The following RIN2 variants were observed in gnomAD, a reference collection of about 807,000 sequenced individuals.
The protein encoded by RIN2 is Ras and Rab interactor 2.
RIN2 carries 36 observed loss-of-function variants against 78.0 expected under a neutral mutation model. The observed-to-expected ratio is 0.46, with a 90% CI of 0.35 to 0.61. The LOEUF is 0.61. RIN2 is among the 20% of genes least tolerant of loss of function. The pLI, the probability that RIN2 is intolerant of heterozygous loss-of-function variation, is 0.00. For synonymous variants in RIN2, 466 were observed against 466.8 expected (o/e 1.00, Z 0.02); for missense variants, 1,087 against 1,159.7 (o/e 0.94, Z 0.91).
intron 3 of RIN2, among the ~76,000 whole-genome samples, chr20:19,927,636 A>G (rs113949468): frequency 6.6e-6 from 1 of 152,070 alleles, no homozygotes; most frequent in Non-Finnish European, 1.5e-5. Context: ...GCTGGTCTGA[A>G]ACTCCTGAGT....
intron 6 of RIN2, among the ~76,000 whole-genome samples, chr20:19,963,838 A>G (rs980423612): frequency 6.8e-6 from 1 of 146,644 alleles, no homozygotes; most frequent in Non-Finnish European, 1.5e-5. Context: ...ATGCCACACC[A>G]TCTTGCCAGT....
chr20:19,894,379 T>C lies in RIN2; in HGVS notation c.57+4721T>C, dbSNP rs191592795. On this transcript the variant is annotated intron_variant, in intron 3 of 12. Coordinates refer to ENST00000255006, the MANE Select transcript of RIN2 (RefSeq NM_018993.4). ...CATCCAGGCTCCCAATGCTGGCAAA[T>C]CCTCCTCTTTAAAAAAATTTTTTTA... is the stretch of plus-strand genomic sequence containing the variant. Among the ~76,000 whole-genome samples the C allele has an allele frequency of 1.5e-3, 225 of 151,958 alleles. 1 individual carries two copies. The highest frequency in any genetic ancestry group is 5.3e-3 in the African/African-American group (218 of 41,376).
intron 2 of RIN2, among the ~76,000 whole-genome samples, chr20:19,806,043 T>C (rs2035397561): frequency 6.6e-6 from 1 of 152,236 alleles, no homozygotes; most frequent in Non-Finnish European, 1.5e-5. Context: ...GCAAAGGACA[T>C]GAACTCATCC....
Position 20,000,159 on chromosome 20 carries a change from A to T in RIN2, c.2365-454A>T, listed in dbSNP as rs1033297351. 2.0e-5 allele frequency among the ~76,000 whole-genome samples: 3 copies of T among 152,234 alleles called. No individual in the cohort carries two copies. The East Asian group carries it at 5.8e-4, about 29-fold the overall frequency. ...AGCCTGGAGAATATAGTGAGATCTC[A>T]TCTCTTAAAATGAAAAGAAGAAAAC... is the stretch of plus-strand genomic sequence containing the variant. On this transcript the variant is annotated intron_variant, in intron 12 of 12. Transcript: ENST00000255006.
At chr20:19,877,594 G>A (rs2037896106) in intron 2 of RIN2, among the ~76,000 whole-genome samples, 1 of 152,154 alleles carries the variant, frequency 6.6e-6, no homozygotes, top group South Asian at 2.1e-4. Flanking sequence ...GAGAAATTAG[G>A]TTGCAATAGG....
rs116192554 is a variant in RIN2 at position 19,980,239 on chromosome 20, A to T, written c.1762+4452A>T. Among the ~76,000 whole-genome samples the T allele has an allele frequency of 4.0e-3, 602 of 152,310 alleles. 4 individuals are homozygous for T. The highest frequency in any genetic ancestry group is 0.014 in the African/African-American group (563 of 41,562). On this transcript the variant is annotated intron_variant, in intron 9 of 12. Coordinates refer to ENST00000255006, the MANE Select transcript of RIN2 (RefSeq NM_018993.4). The stretch of plus-strand genomic sequence containing the variant: ...AAGAAAGATTGTGGTATGCAAAAGG[A>T]TACCTATATTATTTCCAAAAATTAA...
chr20:19,917,300 A>G (rs429588), intron 3 of RIN2, among the ~76,000 whole-genome samples: 39,829 of 152,036 alleles, frequency 0.26, 6,493 homozygotes, highest in East Asian at 0.55. Flanking sequence ...CCAGCCTTCC[A>G]TATGGCAAAT....
At chr20:19,950,252 C>A (rs1487518250) in intron 4 of RIN2, among the ~76,000 whole-genome samples, 1 of 152,178 alleles carries the variant, frequency 6.6e-6, no homozygotes, top group Non-Finnish European at 1.5e-5. Flanking sequence ...GCGGGCCATT[C>A]TATGGTTTGC....
intron 3 of RIN2, among the ~76,000 whole-genome samples, chr20:19,895,507 A>G (rs1358096814): frequency 1.3e-5 from 2 of 152,070 alleles, no homozygotes; most frequent in Non-Finnish European, 2.9e-5. Flanking sequence ...GAGAGTTGAG[A>G]GTTGCTCTTA....
At chr20:19,937,037 T>C (rs1232081665) in intron 4 of RIN2, among the ~76,000 whole-genome samples, 1 of 152,206 alleles carries the variant, frequency 6.6e-6, no homozygotes, top group East Asian at 1.9e-4. Flanking sequence ...GGAAAGCTCT[T>C]TAGGGCCTGC....
At chr20:19,851,038 GAAGGAAGGAAGGAGAAAGAA>G (rs1257577424) in intron 2 of RIN2, among the ~76,000 whole-genome samples, 1 of 88,376 alleles carries the variant, frequency 1.1e-5, no homozygotes, top group African/African-American at 4.5e-5. Context: ...AGGAAGGAAG[GAAGGAAGGAAGGAGAAAGAA>G]AGGAAGGAAG....
intron 1 of RIN2, among the ~76,000 whole-genome samples, chr20:19,777,717 T>C (rs185148419): frequency 7.2e-5 from 11 of 152,268 alleles, no homozygotes; most frequent in Non-Finnish European, 1.0e-4. Flanking sequence ...ATGGAATTTT[T>C]AATTTCTCTG....
chr20:19,935,427 T>G, intron 4 of RIN2: 1 of 1,273,940 alleles, frequency 7.8e-7, no homozygotes, highest in Non-Finnish European at 9.9e-7. Flanking sequence ...TCTCAATTCC[T>G]CCTGGCACCA....
At chr20:19,869,671 G>C (rs2037622526) in intron 2 of RIN2, among the ~76,000 whole-genome samples, 1 of 151,186 alleles carries the variant, frequency 6.6e-6, no homozygotes, top group Non-Finnish European at 1.5e-5. Context: ...TGGGGCCCAA[G>C]CTGGAGTGCA....
At chr20:19,787,287 G>T (rs1445969645) in intron 1 of RIN2, among the ~76,000 whole-genome samples, 1 of 151,986 alleles carries the variant, frequency 6.6e-6, no homozygotes, top group Non-Finnish European at 1.5e-5. Flanking sequence ...GCTGGGCATG[G>T]TGGCGTGCAG....
intron 2 of RIN2, among the ~76,000 whole-genome samples, chr20:19,856,525 T>G: frequency 7.0e-6 from 1 of 142,102 alleles, no homozygotes; most frequent in African/African-American, 2.6e-5. Context: ...AGAGTGAGAC[T>G]TTGTCTCAGA....
chr20:19,953,201 G>C (rs73605556), intron 4 of RIN2, among the ~76,000 whole-genome samples: 8,615 of 151,984 alleles, frequency 0.057, 501 homozygotes, highest in East Asian at 0.29. Flanking sequence ...TACAGTGGAA[G>C]GATCTCGGCT....
chr20:19,967,598 A>T (rs418251), intron 7 of RIN2, among the ~76,000 whole-genome samples: 1 of 152,034 alleles, frequency 6.6e-6, no homozygotes, highest in African/African-American at 2.4e-5. Flanking sequence ...GAAAAGTGTC[A>T]TTGAGAATAC....
chr20:19,969,372 T>TC (rs1234282416), intron 7 of RIN2, among the ~76,000 whole-genome samples: 2 of 152,058 alleles, frequency 1.3e-5, no homozygotes, highest in African/African-American at 2.4e-5. Context: ...TGCCAGACCC[T>TC]CCCCACCCCA....
Sources: gnomAD v4.1 joint callset for allele counts (sites outside exome capture counted in the v4.1 genomes callset) on GRCh38, gnomAD v4.1.1 for gene constraint, MANE v1.5 for transcripts, NCBI Gene and HGNC (gene_info 2026-07-23, HGNC 2026-07-21) for gene names.